The following SH2D2A variants were observed in gnomAD, a reference collection of about 807,000 sequenced individuals.
The protein encoded by SH2D2A is SH2 domain-containing protein 2A.
Under a neutral mutation model 43.6 loss-of-function variants are expected in SH2D2A, and 33 were observed. The ratio of observed to expected loss-of-function variants is 0.76; its 90% CI spans 0.57 to 1.01. The LOEUF is 1.01. Ranked by LOEUF, SH2D2A falls within the 50% of genes least tolerant of loss-of-function variation. The probability of loss-of-function intolerance (pLI) is 0.00; values close to 1 mark genes in which losing one functional copy is unlikely to be tolerated. For missense variants in SH2D2A, 491 were observed against 503.1 expected, an observed-to-expected ratio of 0.98 and a Z score of 0.23; for synonymous variants, 212 against 206.1, an observed-to-expected ratio of 1.03 and a Z score of -0.25.
At chr1:156,813,090 C>T (rs536687561) in intron 5 of SH2D2A, among the ~76,000 whole-genome samples, 50 of 152,342 alleles carry the variant, frequency 3.3e-4, no homozygotes, top group African/African-American at 1.1e-3. Context: ...ATCCATCTGT[C>T]TGTCTTGTTC....
chr1:156,814,741 A>G (rs1653727575), intron 3 of SH2D2A: 1 of 415,152 alleles, frequency 2.4e-6, no homozygotes. Context: ...CTGGAGGGAG[A>G]GAGAGGTGGA....
Position 156,816,830 on chromosome 1 carries a change from T to C in SH2D2A, c.-122A>G, listed in dbSNP as rs1653996286. Reference sequence around the variant, plus strand: ...GCCCCGGGGGCAGGAAATGTCGCCTTACCCACAGCCTTAGTTCTGGCGAGG... The same window carrying C: ...GCCCCGGGGGCAGGAAATGTCGCCTCACCCACAGCCTTAGTTCTGGCGAGG... On this transcript the variant is annotated 5_prime_UTR_variant, in exon 1 of 9. Coordinates refer to ENST00000368199, the MANE Select transcript of SH2D2A (RefSeq NM_003975.4). The C allele has an allele frequency of 5.5e-6, 5 of 902,432 alleles. No individual in the cohort carries two copies. The highest frequency in any genetic ancestry group is 2.3e-4 in the Middle Eastern group (1 of 4,342). 55.9% of individuals were successfully genotyped at this position (902,432 alleles called of 1,614,324 possible).
intron 7 of SH2D2A, among the ~76,000 whole-genome samples, chr1:156,808,533 G>C (rs1416862150): frequency 2.0e-5 from 3 of 152,186 alleles, no homozygotes; most frequent in Non-Finnish European, 4.4e-5. Flanking sequence ...CCAGCAAGGA[G>C]GGAGGATGGG....
Position 156,806,362 on chromosome 1 carries a change from C to T in SH2D2A, c.*215G>A, listed in dbSNP as rs1652967008. The T allele has an allele frequency of 6.6e-6, 1 of 152,380 alleles. No homozygotes were observed. Among genetic ancestry groups the T allele is most frequent in the South Asian group, 2.1e-4 (1 of 4,830 alleles). 9.4% of individuals were successfully genotyped at this position (152,380 alleles called of 1,614,324 possible). On this transcript the variant is annotated 3_prime_UTR_variant, in exon 9 of 9. Transcript: ENST00000368199. ...ACAACAGCAGCATTGGACCAGGGCC[C>T]AGACTCAAAAGGCTCAGAGGGCCAA...
intron 7 of SH2D2A, among the ~76,000 whole-genome samples, chr1:156,808,551 C>A (rs746587552): frequency 1.3e-4 from 19 of 151,778 alleles, no homozygotes; most frequent in African/African-American, 2.4e-5. Context: ...GGGGAAGGGT[C>A]TGAGGAGGGA....
intron 5 of SH2D2A, among the ~76,000 whole-genome samples, chr1:156,811,081 C>G (rs74421626): frequency 6.6e-6 from 1 of 152,038 alleles, no homozygotes; most frequent in East Asian, 1.9e-4. Flanking sequence ...TGCCCTAACC[C>G]CCTCCTCTCT....
At position 156,813,848 on chromosome 1, in the gene SH2D2A, C is replaced by T. The variant is rs1160374832; in HGVS notation, c.567G>A (p.Gln189=). Residue 189 remains glutamine (Q), a splice_region_variant and synonymous_variant, in exon 5 of 9, where the codon CAG becomes CAA. Coordinates refer to ENST00000368199, the MANE Select transcript of SH2D2A (RefSeq NM_003975.4). ...GETLTEPLAR[Q]TPEPAGLSLR... Reference sequence around the variant, plus strand: ...TCTGGTCAGGGTCTGGGGCGCGTACCTGTCGGGCGAGGGGCTCGGTGAGCG... The same window carrying T: ...TCTGGTCAGGGTCTGGGGCGCGTACTTGTCGGGCGAGGGGCTCGGTGAGCG... 1.4e-6 allele frequency: 2 copies of T among 1,479,564 alleles called. No homozygotes were observed. Among genetic ancestry groups the T allele is most frequent in the African/African-American group, 2.8e-5 (2 of 71,796 alleles). 91.7% of individuals were successfully genotyped at this position (1,479,564 alleles called of 1,614,324 possible).
At position 156,809,349 on chromosome 1, in the gene SH2D2A, G is replaced by A; in HGVS notation, c.856C>T (p.Pro286Ser). 13 of 1,614,184 alleles carry A rather than the reference G, an allele frequency of 8.1e-6. No individual in the cohort carries two copies. Among genetic ancestry groups the A allele is most frequent in the Non-Finnish European group, 1.0e-5 (12 of 1,180,010 alleles). The change falls in exon 7 of 9, where the codon CCC (proline) becomes TCC (serine). Residue 286 changes from proline to serine, a missense_variant. Transcript: ENST00000368199. This position sits in a 1 kb window ranked among gnomAD's most constrained non-coding sequence, Gnocchi z 4.8. ...CGGCCCATGGCATAGAAAGCTATGG[G>A]TTCATCAGGCTCATTGTAGATAGGA... ...SNPIYNEPDE[P>S]IAFYAMGRGS...
chr1:156,816,320 C>G (rs751893003), intron 1 of SH2D2A, among the ~76,000 whole-genome samples: 3 of 152,196 alleles, frequency 2.0e-5, no homozygotes, highest in Non-Finnish European at 4.4e-5. Flanking sequence ...CACCAGGTGC[C>G]TAGAAGGAGA....
intron 5 of SH2D2A, among the ~76,000 whole-genome samples, chr1:156,810,543 C>A (rs150767962): frequency 6.8e-6 from 1 of 146,840 alleles, no homozygotes. Context: ...TTTTTTGAGA[C>A]CAAGTCTCAT....
At position 156,812,946 on chromosome 1, in the gene SH2D2A, A is replaced by G. The variant is rs145761577; in HGVS notation, c.567+902T>C. On this transcript the variant is annotated intron_variant, in intron 5 of 8. Transcript: ENST00000368199. ...GCGTGGCACACAGTGGTCCCTCAGC[A>G]CTGCCTGAACTTGTGCACCGCTGCC... 3.0e-3 allele frequency among the ~76,000 whole-genome samples: 456 copies of G among 152,300 alleles called. 4 individuals are homozygous for G. The highest frequency in any genetic ancestry group is 0.01 in the African/African-American group (429 of 41,544).
chr1:156,814,618 G>C, intron 3 of SH2D2A: 1 of 459,750 alleles, frequency 2.2e-6, no homozygotes, highest in South Asian at 3.8e-5. Flanking sequence ...AGAAGTCAAA[G>C]CTGAACTGAG....
chr1:156,816,670 CT>C lies in SH2D2A; in HGVS notation c.34+4del. 1 of 1,602,140 alleles carries C rather than the reference CT, an allele frequency of 6.2e-7. No individual in the cohort carries two copies. On this transcript the variant is annotated splice_donor_region_variant and intron_variant, in intron 1 of 8. Transcript: ENST00000368199. ...CCCACCCATATCCTTCAACTTCACACTTACCTTGGGGACATATCTGGGCCAG... is the reference window on the plus strand; with the variant it reads ...CCCACCCATATCCTTCAACTTCACACTACCTTGGGGACATATCTGGGCCAG...
At chr1:156,815,459 A>AG (rs1217336914) in intron 2 of SH2D2A, 1 of 573,966 alleles carries the variant, frequency 1.7e-6, no homozygotes, top group Non-Finnish European at 3.1e-6. Flanking sequence ...CTTTTAATCC[A>AG]GCAGCAGTGA....
intron 5 of SH2D2A, among the ~76,000 whole-genome samples, chr1:156,810,025 C>T (rs1377152289): frequency 6.6e-6 from 1 of 152,104 alleles, no homozygotes; most frequent in Non-Finnish European, 1.5e-5. Flanking sequence ...GGTCACAGGC[C>T]ATATCTAGCA....
intron 2 of SH2D2A, chr1:156,815,704 T>C: frequency 9.4e-7 from 1 of 1,061,688 alleles, no homozygotes; most frequent in Non-Finnish European, 1.5e-6. Context: ...GGGCAAATGG[T>C]CACTGACACA....
In SH2D2A at chr1:156,809,254, A is replaced by C. The variant is rs1295478029; in HGVS notation, c.951T>G (p.Leu317=). The C allele has an allele frequency of 1.2e-6, 2 of 1,613,986 alleles. No individual in the cohort carries two copies. The highest frequency in any genetic ancestry group is 3.3e-5 in the Admixed American group (2 of 60,008). ...EVEDEGLPAT[L]GHPVLRKSWS... ...AGCTCTTCCGTAGGACAGGGTGCCC[A>C]AGGGTGGCGGGTAGGCCCTCATCTT... The change falls in exon 7 of 9, where the codon CTT becomes CTG. Residue 317 remains leucine (L), a synonymous_variant. Transcript: ENST00000368199. This position sits in a 1 kb window ranked among gnomAD's most constrained non-coding sequence, Gnocchi z 4.8.
Position 156,813,953 on chromosome 1 carries a change from C to G in SH2D2A, c.462G>C (p.Leu154=). Residue 154 remains leucine, a synonymous_variant, in exon 5 of 9, where the codon CTG becomes CTC. Transcript: ENST00000368199. The part of the protein sequence containing the change: ...AQLRDGRHVV[L]GEDSAHARLQ... ...GCCGCGCGTGGGCGCTGTCCTCGCC[C>G]AGCACCACGTGGCGCCCGTCCCTGA... 1 of 1,533,506 alleles carries G rather than the reference C, an allele frequency of 6.5e-7. No homozygotes were observed. Among genetic ancestry groups the G allele is most frequent in the East Asian group, 2.4e-5 (1 of 40,960 alleles). 95.0% of individuals were successfully genotyped at this position (1,533,506 alleles called of 1,614,324 possible). A position where few individuals can be genotyped will look rare whatever the true frequency, so the allele number is the denominator to read the frequency against.
At position 156,816,753 on chromosome 1, in the gene SH2D2A, G is replaced by C; in HGVS notation, c.-45C>G. 3 of 1,545,470 alleles carry C rather than the reference G, an allele frequency of 1.9e-6. No individual in the cohort carries two copies. The highest frequency in any genetic ancestry group is 2.6e-6 in the Non-Finnish European group (3 of 1,145,268). On this transcript the variant is annotated 5_prime_UTR_variant, in exon 1 of 9. Transcript: ENST00000368199. ...ATCCCAGAGCAGGGTGTGTGTATGTGTTCCGGAAAGGTGTGCACACTCAGC... is the reference window on the plus strand; with the variant it reads ...ATCCCAGAGCAGGGTGTGTGTATGTCTTCCGGAAAGGTGTGCACACTCAGC...
Sources: gnomAD v4.1 joint callset for allele counts (sites outside exome capture counted in the v4.1 genomes callset) on GRCh38, gnomAD v4.1.1 for gene constraint, Gnocchi (gnomAD v3.1) non-coding constraint, MANE v1.5 for transcripts, NCBI Gene and HGNC (gene_info 2026-07-23, HGNC 2026-07-21) for gene names.